The following ABCC8 variants were observed in gnomAD, a reference collection of about 807,000 sequenced individuals.
ABCC8 encodes the protein ATP-binding cassette sub-family C member 8.
A neutral mutation model predicts 188.0 loss-of-function variants in ABCC8; 137 were observed. The ratio of observed to expected loss-of-function variants is 0.73; its 90% CI spans 0.63 to 0.84. The LOEUF (loss-of-function observed/expected upper bound fraction) is 0.84, where lower values mean the gene tolerates loss of function less well. Ranked by LOEUF, ABCC8 falls within the 40% of genes least tolerant of loss-of-function variation. The probability of loss-of-function intolerance (pLI) is 0.00; values close to 1 mark genes in which losing one functional copy is unlikely to be tolerated. For synonymous variants in ABCC8, 797 were observed against 846.5 expected (o/e 0.94, Z 1.01); for missense variants, 1,750 against 2,072.7 (o/e 0.84, Z 3.02).
At chr11:17,453,060 T>A in intron 7 of ABCC8, 59 bp downstream of exon 7, 1 of 1,412,920 alleles carries the variant, frequency 7.1e-7, no homozygotes, top group African/African-American at 1.4e-5. Flanking sequence ...ATAACACTCA[T>A]GGACATTATT....
At chr11:17,435,856 C>T (rs1956070972) in intron 10 of ABCC8, 2 of 1,244,176 alleles carry the variant, frequency 1.6e-6, no homozygotes, top group South Asian at 1.2e-5. Context: ...CAGTGCTGGC[C>T]CCGGACACAG....
At position 17,395,712 on chromosome 11, in the gene ABCC8, A is replaced by G; in HGVS notation, c.4205T>C (p.Ile1402Thr). The G allele has an allele frequency of 3.2e-6, 5 of 1,554,242 alleles. No individual in the cohort carries two copies. The highest frequency in any genetic ancestry group is 4.4e-6 in the Non-Finnish European group (5 of 1,148,348). Residue 1402 changes from isoleucine to threonine, a missense_variant, in exon 35 of 39, where the codon ATC (isoleucine) becomes ACC (threonine). Transcript: ENST00000389817. ...GGCGATGTCAATGCCATCAATGATG[A>G]TGTGCCCTGCATGGGTCCCAGTGAG... ...FRMVDTFEGH[I>T]IIDGIDIAKL...
intron 30 of ABCC8, 59 bp from the exon 31 acceptor site, chr11:17,397,856 C>T: frequency 1.3e-6 from 2 of 1,598,930 alleles, no homozygotes; most frequent in Non-Finnish European, 1.7e-6. Context: ...GGCCCCTGTT[C>T]TACCTCACTC....
intron 26 of ABCC8, among the ~76,000 whole-genome samples, chr11:17,406,084 G>A (rs1479702988): frequency 1.3e-5 from 2 of 152,254 alleles, no homozygotes; most frequent in African/African-American, 4.8e-5. Flanking sequence ...CTCGACAAGG[G>A]GCCAGAAAAT....
In ABCC8 at chr11:17,476,702, G is replaced by A. The variant is rs773826492; in HGVS notation, c.75C>T (p.Gly25=). ...CCACGTTGAGCGCGTCCACAAAGCAGCCGTTGTTGAGGACCCCCTGGTCCA... is the reference window on the plus strand; with the variant it reads ...CCACGTTGAGCGCGTCCACAAAGCAACCGTTGTTGAGGACCCCCTGGTCCA... ...YRVDQGVLNN[G]CFVDALNVVP... The change falls in exon 1 of 39, where the codon GGC becomes GGT. Residue 25 remains glycine (G), a synonymous_variant. Coordinates refer to ENST00000389817, the MANE Select transcript of ABCC8 (RefSeq NM_000352.6). 4.3e-6 allele frequency: 7 copies of A among 1,611,648 alleles called. No individual in the cohort carries two copies. The African/African-American group carries it at 6.7e-5, about 15-fold the overall frequency.
At position 17,404,501 on chromosome 11, in the gene ABCC8, G is replaced by T. The variant is rs1954410962; in HGVS notation, c.3557+11C>A. On this transcript the variant is annotated intron_variant, in intron 28 of 38. Transcript: ENST00000389817. This position sits in a 1 kb window ranked among gnomAD's most constrained non-coding sequence, Gnocchi z 4.7. ...AAAGCACCTCCCACCCCTCACCCCT[G>T]AGGCCATCACCTGGACGCCACCCGG... 6.2e-7 allele frequency: 1 copy of T among 1,612,786 alleles called. No homozygotes were observed.
At position 17,395,907 on chromosome 11, in the gene ABCC8, G is replaced by T. The variant is rs1193568442; in HGVS notation, c.4143C>A (p.Gly1381=). 3.8e-6 allele frequency: 6 copies of T among 1,587,022 alleles called. No homozygotes were observed. Residue 1381 remains glycine (G), a synonymous_variant, in exon 34 of 39, where the codon GGC becomes GGA. Transcript: ENST00000389817. ...CAAGAGAGAAGGAGGACTTCCCACT[G>T]CCGGTGCGGCCGCAGATCCCGATCT... ...GQKIGICGRT[G]SGKSSFSLAF... is the part of the protein sequence containing the mutation.
intron 2 of ABCC8, 90 bp downstream of exon 2, chr11:17,474,796 T>G: frequency 2.2e-6 from 3 of 1,389,790 alleles, no homozygotes; most frequent in Non-Finnish European, 3.1e-6. Flanking sequence ...CATGGGCTTG[T>G]GGAATATAGG....
At chr11:17,440,562 G>C (rs751997858) in intron 10 of ABCC8, among the ~76,000 whole-genome samples, 19 of 152,184 alleles carry the variant, frequency 1.2e-4, no homozygotes, top group Non-Finnish European at 2.4e-4. Flanking sequence ...CAGGAACTTG[G>C]GGTGTCTTGG....
chr11:17,406,811 G>C (rs1954552910), intron 25 of ABCC8, 23 bp from the exon 26 acceptor site: 2 of 1,614,078 alleles, frequency 1.2e-6, no homozygotes, highest in Non-Finnish European at 1.7e-6. Flanking sequence ...AGAGTGATTT[G>C]GAGTTCCAGG....
At chr11:17,426,163 T>C (rs974686426) in intron 16 of ABCC8, among the ~76,000 whole-genome samples, 6 of 152,242 alleles carry the variant, frequency 3.9e-5, no homozygotes, top group African/African-American at 9.6e-5. Context: ...CATGTGTCTT[T>C]ATAGTAGAAT....
chr11:17,410,355 TC>T (rs1223367629), intron 22 of ABCC8, 160 bp downstream of exon 22: 8 of 791,540 alleles, frequency 1.0e-5, no homozygotes, highest in Non-Finnish European at 1.7e-5. Flanking sequence ...GTACAGGGTC[TC>T]CCTGAAATGC....
intron 8 of ABCC8, chr11:17,448,277 C>A: frequency 1.9e-6 from 1 of 530,814 alleles, no homozygotes; most frequent in Non-Finnish European, 3.4e-6. Flanking sequence ...ATAAAGTTGG[C>A]TCCATTTTTA....
chr11:17,424,475 G>C (rs1333802441), intron 16 of ABCC8, among the ~76,000 whole-genome samples: 1 of 152,204 alleles, frequency 6.6e-6, no homozygotes, highest in East Asian at 1.9e-4. Context: ...GGTGGGGACT[G>C]AGGCAGGGCA....
intron 23 of ABCC8, chr11:17,408,161 T>G: frequency 2.2e-6 from 1 of 456,492 alleles, no homozygotes; most frequent in East Asian, 3.6e-5. Context: ...TGCAACTAAA[T>G]AGTATCTGAC....
At chr11:17,417,896 C>A (rs7943890) in intron 16 of ABCC8, among the ~76,000 whole-genome samples, 1 of 151,200 alleles carries the variant, frequency 6.6e-6, no homozygotes, top group Non-Finnish European at 1.5e-5. Context: ...ATTACAGGCA[C>A]GTACCACCAT....
chr11:17,461,417 C>A (rs188128124), intron 5 of ABCC8, 166 bp downstream of exon 5: 1 of 866,664 alleles, frequency 1.2e-6, no homozygotes, highest in Non-Finnish European at 1.9e-6. Flanking sequence ...CAGCCCTGCA[C>A]CTGTCCCTGG....
intron 6 of ABCC8, among the ~76,000 whole-genome samples, chr11:17,457,757 C>T (rs1393415723): frequency 1.3e-5 from 2 of 152,174 alleles, no homozygotes; most frequent in East Asian, 1.9e-4. Context: ...CAGAAATGTT[C>T]GTCCTTGCGG....
intron 10 of ABCC8, among the ~76,000 whole-genome samples, chr11:17,435,002 T>TGTGTGA (rs1956019901): frequency 6.6e-6 from 1 of 151,922 alleles, no homozygotes; most frequent in South Asian, 2.1e-4. Flanking sequence ...TGTGTGTGTG[T>TGTGTGA]GTGTGTGTGT....
Sources: gnomAD v4.1 joint callset for allele counts (sites outside exome capture counted in the v4.1 genomes callset) on GRCh38, gnomAD v4.1.1 for gene constraint, Gnocchi (gnomAD v3.1) non-coding constraint, MANE v1.5 for transcripts, NCBI Gene and HGNC (gene_info 2026-07-23, HGNC 2026-07-21) for gene names.